Variants in GLI3 observed in about 807,000 individuals in gnomAD.
GLI3 encodes GLI family zinc finger 3.
GLI3 carries 20 observed loss-of-function variants against 100.8 expected under a neutral mutation model. The ratio of observed to expected loss-of-function variants is 0.20; its 90% CI spans 0.14 to 0.29. The LOEUF is 0.29. Ranked by LOEUF, GLI3 falls within the 10% of genes least tolerant of loss-of-function variation. GLI3 has a pLI of 1.00. For synonymous variants in GLI3, 938 were observed against 860.5 expected (o/e 1.09, Z -1.58); for missense variants, 2,040 against 2,128.5 (o/e 0.96, Z 0.82).
intron 3 of GLI3, among the ~76,000 whole-genome samples, chr7:42,139,202 T>C (rs973402243): frequency 9.9e-5 from 15 of 152,172 alleles, no homozygotes; most frequent in Admixed American, 7.2e-4. Context: ...ACACTGTAAG[T>C]GGAAATTAAA....
chr7:42,182,654 A>G (rs1425250898), intron 2 of GLI3, among the ~76,000 whole-genome samples: 6 of 54,502 alleles, frequency 1.1e-4, no homozygotes, highest in African/African-American at 5.5e-4. Flanking sequence ...GTATATATAT[A>G]TATATATATA....
intron 10 of GLI3, among the ~76,000 whole-genome samples, chr7:42,002,604 T>C (rs558456866): frequency 3.4e-4 from 52 of 152,228 alleles, no homozygotes; most frequent in Non-Finnish European, 5.9e-4. Flanking sequence ...CTATTTTCAC[T>C]TGACCACAGA....
chr7:41,984,795 T>C (rs954295477), intron 10 of GLI3, among the ~76,000 whole-genome samples: 1 of 152,248 alleles, frequency 6.6e-6, no homozygotes, highest in Non-Finnish European at 1.5e-5. Flanking sequence ...CTAATGTTTC[T>C]CAAATCCCAC....
At chr7:42,221,316 T>A (rs1255406518) in intron 2 of GLI3, among the ~76,000 whole-genome samples, 1 of 152,200 alleles carries the variant, frequency 6.6e-6, no homozygotes, top group Non-Finnish European at 1.5e-5. Context: ...TTCATAAGAA[T>A]GAGACTCTGT....
At chr7:42,151,391 A>C (rs1470031118) in intron 2 of GLI3, 1 of 152,220 alleles carries the variant, frequency 6.6e-6, no homozygotes, top group Non-Finnish European at 1.5e-5. Context: ...AAATTTAGCA[A>C]CCACTTCAGC....
At chr7:42,104,143 C>T (rs1167095349) in intron 3 of GLI3, among the ~76,000 whole-genome samples, 1 of 152,078 alleles carries the variant, frequency 6.6e-6, no homozygotes, top group Non-Finnish European at 1.5e-5. Context: ...TAAAATGGTG[C>T]CAGACAGTTA....
chr7:42,214,666 C>CAA (rs370294857), intron 2 of GLI3, among the ~76,000 whole-genome samples: 32 of 144,352 alleles, frequency 2.2e-4, no homozygotes, highest in African/African-American at 6.6e-4. Flanking sequence ...AAAAAAAAGA[C>CAA]AAAAAAAAAA....
intron 7 of GLI3, among the ~76,000 whole-genome samples, chr7:42,032,955 T>A (rs1454415702): frequency 6.6e-6 from 1 of 152,136 alleles, no homozygotes. Context: ...TCCCATGTAA[T>A]CACAGTGCCA....
chr7:42,142,683 A>ATTGCT, intron 3 of GLI3, among the ~76,000 whole-genome samples: 1 of 151,858 alleles, frequency 6.6e-6, no homozygotes, highest in South Asian at 2.1e-4. Context: ...CTAAATCTGT[A>ATTGCT]TTGCTTTGCT....
intron 3 of GLI3, among the ~76,000 whole-genome samples, chr7:42,118,886 CTT>C (rs1785925676): frequency 6.6e-6 from 1 of 152,210 alleles, no homozygotes; most frequent in Non-Finnish European, 1.5e-5. Context: ...GAAACGAACT[CTT>C]TCAAACTCTT....
intron 6 of GLI3, among the ~76,000 whole-genome samples, chr7:42,042,877 G>A (rs780074542): frequency 6.6e-6 from 1 of 152,046 alleles, no homozygotes; most frequent in Non-Finnish European, 1.5e-5. Flanking sequence ...GTTCCTTATA[G>A]GGAGTATTTG....
At chr7:42,187,251 A>C (rs1787735212) in intron 2 of GLI3, among the ~76,000 whole-genome samples, 1 of 152,050 alleles carries the variant, frequency 6.6e-6, no homozygotes, top group Non-Finnish European at 1.5e-5. Context: ...TTAGCAATAA[A>C]ATTATTTTAA....
At chr7:42,049,620 G>C (rs778673848) in intron 4 of GLI3, among the ~76,000 whole-genome samples, 6 of 152,186 alleles carry the variant, frequency 3.9e-5, no homozygotes, top group Non-Finnish European at 8.8e-5. Flanking sequence ...ACGATATCCT[G>C]ATCTGCTTCT....
chr7:42,133,722 A>G (rs1786352695), intron 3 of GLI3, among the ~76,000 whole-genome samples: 1 of 152,104 alleles, frequency 6.6e-6, no homozygotes, highest in African/African-American at 2.4e-5. Flanking sequence ...GAAAATCTGA[A>G]GATTAATAGC....
At chr7:42,220,601 C>G (rs1788467320) in intron 2 of GLI3, among the ~76,000 whole-genome samples, 1 of 152,186 alleles carries the variant, frequency 6.6e-6, no homozygotes, top group Admixed American at 6.5e-5. Context: ...CCACGCCCCT[C>G]AGCATAATCC....
At chr7:42,037,142 A>G (rs1228928290) in intron 7 of GLI3, among the ~76,000 whole-genome samples, 1 of 151,812 alleles carries the variant, frequency 6.6e-6, no homozygotes, top group African/African-American at 2.4e-5. Flanking sequence ...CTCTGTCTCA[A>G]AAAAAAATAA....
chr7:42,045,563 C>T (rs756003754), intron 5 of GLI3, 33 bp from the exon 6 acceptor site: 24 of 1,609,244 alleles, frequency 1.5e-5, no homozygotes, highest in Middle Eastern at 1.7e-4. Flanking sequence ...TGGTTACTAG[C>T]GAAAGAAGGT....
At chr7:42,129,542 G>A (rs1450155944) in intron 3 of GLI3, among the ~76,000 whole-genome samples, 3 of 152,148 alleles carry the variant, frequency 2.0e-5, no homozygotes, top group Non-Finnish European at 2.9e-5. Context: ...TGGGCGCGGT[G>A]GCTCACGCCT....
intron 1 of GLI3, among the ~76,000 whole-genome samples, chr7:42,250,581 T>C (rs555447991): frequency 6.6e-6 from 1 of 152,186 alleles, no homozygotes; most frequent in Non-Finnish European, 1.5e-5. Flanking sequence ...GCCAGAGCCA[T>C]GTCCCCCATG....
Sources: allele counts gnomAD v4.1 joint callset (sites outside exome capture counted in the v4.1 genomes callset), GRCh38; gene constraint gnomAD v4.1.1; transcripts MANE v1.5; gene names NCBI Gene and HGNC (gene_info 2026-07-23, HGNC 2026-07-21).